RBFOX1: variants seen among roughly 807,000 people sequenced by gnomAD.
The protein encoded by RBFOX1 is RNA binding fox-1 homolog 1.
A neutral mutation model predicts 57.7 loss-of-function variants in RBFOX1; 8 were observed. The observed-to-expected ratio is 0.14, with a 90% CI of 0.08 to 0.25. RBFOX1 has a LOEUF of 0.25. Ranked by LOEUF, RBFOX1 falls within the 10% of genes least tolerant of loss-of-function variation. The pLI, the probability that RBFOX1 is intolerant of heterozygous loss-of-function variation, is 1.00. For synonymous variants in RBFOX1, 326 were observed against 222.4 expected (o/e 1.47, Z -4.15); for missense variants, 611 against 548.5 (o/e 1.11, Z -1.14).
At chr16:7,508,614 A>G (rs545159718) in intron 4 of RBFOX1, among the ~76,000 whole-genome samples, 1 of 152,302 alleles carries the variant, frequency 6.6e-6, no homozygotes, top group Admixed American at 6.5e-5. Context: ...TATGATTGGA[A>G]ATGGAAACGT....
chr16:6,772,332 G>C (rs2078430942), intron 3 of RBFOX1, among the ~76,000 whole-genome samples: 11 of 152,170 alleles, frequency 7.2e-5, no homozygotes, highest in Admixed American at 7.2e-4. Flanking sequence ...CTCAAACAGT[G>C]AGCTATCCAA....
intron 4 of RBFOX1, among the ~76,000 whole-genome samples, chr16:7,302,639 A>C (rs2096061504): frequency 6.6e-6 from 1 of 152,050 alleles, no homozygotes; most frequent in Non-Finnish European, 1.5e-5. Flanking sequence ...AAAACAAAAA[A>C]AAAAAAAAAG....
At chr16:5,296,344 C>G (rs1320461131) in intron 1 of RBFOX1, among the ~76,000 whole-genome samples, 1 of 152,196 alleles carries the variant, frequency 6.6e-6, no homozygotes, top group Non-Finnish European at 1.5e-5. Flanking sequence ...CAGCAGGAGA[C>G]AGCTTCCCAC....
chr16:5,298,057 G>A (rs1311447084), intron 1 of RBFOX1, among the ~76,000 whole-genome samples: 4 of 152,342 alleles, frequency 2.6e-5, no homozygotes, highest in Middle Eastern at 3.4e-3. Flanking sequence ...GTAGTAAACA[G>A]TGAGTCCTTT....
chr16:7,535,969 G>C (rs1354578983), intron 5 of RBFOX1, among the ~76,000 whole-genome samples: 1 of 152,202 alleles, frequency 6.6e-6, no homozygotes, highest in African/African-American at 2.4e-5. Flanking sequence ...AGATACAAGA[G>C]TGAATAAGAC....
chr16:7,467,148 C>T (rs1193669049), intron 4 of RBFOX1, among the ~76,000 whole-genome samples: 1 of 152,158 alleles, frequency 6.6e-6, no homozygotes, highest in Non-Finnish European at 1.5e-5. Context: ...GATAGAGTAT[C>T]TTCTAGAGAG....
At chr16:6,164,513 A>T (rs1410730346) in intron 1 of RBFOX1, among the ~76,000 whole-genome samples, 1 of 146,342 alleles carries the variant, frequency 6.8e-6, no homozygotes, top group Non-Finnish European at 1.5e-5. Flanking sequence ...ATTGCCCAGG[A>T]TGGAGTGCAG....
At chr16:6,248,397 G>C (rs2097581941) in intron 1 of RBFOX1, among the ~76,000 whole-genome samples, 1 of 152,150 alleles carries the variant, frequency 6.6e-6, no homozygotes, top group Non-Finnish European at 1.5e-5. Flanking sequence ...TCTTTGGACA[G>C]TGTTGTGGGC....
At chr16:6,407,537 A>AGG (rs1262038289) in intron 2 of RBFOX1, among the ~76,000 whole-genome samples, 46 of 69,044 alleles carry the variant, frequency 6.7e-4, no homozygotes, top group East Asian at 4.1e-3. Context: ...AGGGAAGGAG[A>AGG]GGGGTGTGTG....
intron 4 of RBFOX1, among the ~76,000 whole-genome samples, chr16:7,238,008 A>T (rs969527152): frequency 1.3e-5 from 2 of 152,226 alleles, no homozygotes; most frequent in Non-Finnish European, 2.9e-5. Flanking sequence ...TGTCTCAAAA[A>T]AAGAAAAGAG....
At chr16:7,447,884 C>T (rs887790764) in intron 4 of RBFOX1, among the ~76,000 whole-genome samples, 1 of 152,232 alleles carries the variant, frequency 6.6e-6, no homozygotes, top group African/African-American at 2.4e-5. Flanking sequence ...GCTGTATCAG[C>T]ATCAACCCCC....
At chr16:6,557,599 G>T (rs547572349) in intron 2 of RBFOX1, among the ~76,000 whole-genome samples, 1 of 152,334 alleles carries the variant, frequency 6.6e-6, no homozygotes, top group East Asian at 1.9e-4. Context: ...CCGAAGTCCT[G>T]TTGAAAGGGT....
intron 3 of RBFOX1, among the ~76,000 whole-genome samples, chr16:5,685,437 T>A (rs1032115150): frequency 6.6e-6 from 1 of 152,220 alleles, no homozygotes; most frequent in African/African-American, 2.4e-5. Context: ...ATCAGCCTAA[T>A]AGGAGCTTGA....
intron 4 of RBFOX1, among the ~76,000 whole-genome samples, chr16:7,303,820 A>C (rs1316665748): frequency 1.6e-3 from 153 of 98,160 alleles, no homozygotes; most frequent in Middle Eastern, 5.8e-3. Flanking sequence ...CTCCCTCTCT[A>C]CCTCCGTCCC....
At chr16:6,052,804 T>TATAATAATAATA (rs200513769) in intron 1 of RBFOX1, among the ~76,000 whole-genome samples, 15,064 of 144,074 alleles carry the variant, frequency 0.1, 1,008 homozygotes, top group African/African-American at 0.18. Context: ...TAAAATAAAA[T>TATAATAATAATA]ATAATAATAA....
rs377301970 is a variant in RBFOX1 at position 5,904,880 on chromosome 16, G to A, written c.351+37545G>A. Among the ~76,000 whole-genome samples, 1,262 of 150,418 alleles carry A rather than the reference G, an allele frequency of 8.4e-3. 22 individuals carry two copies. The highest frequency in any genetic ancestry group is 0.029 in the African/African-American group (1,181 of 40,956). On this transcript the variant is annotated intron_variant, in intron 4 of 19. Coordinates refer to the RBFOX1 transcript ENST00000641259. ...TAGTCCCAGCTACTCGGGAGGCTGAGGCAGGAGAATGGCGTGAACCCGGGA... is the reference window on the plus strand; with the variant it reads ...TAGTCCCAGCTACTCGGGAGGCTGAAGCAGGAGAATGGCGTGAACCCGGGA...
At chr16:6,088,226 C>G (rs1393498135) in intron 1 of RBFOX1, among the ~76,000 whole-genome samples, 2 of 151,710 alleles carry the variant, frequency 1.3e-5, no homozygotes, top group Admixed American at 6.6e-5. Flanking sequence ...TGTATTGCCT[C>G]AGTTGGATCA....
In RBFOX1 at chr16:6,097,052, G is replaced by A. The variant is rs1022432314; in HGVS notation, c.-127+77060G>A. Among the ~76,000 whole-genome samples the A allele has an allele frequency of 5.3e-5, 8 of 152,208 alleles. No individual in the cohort carries two copies. The highest frequency in any genetic ancestry group is 3.9e-4 in the East Asian group (2 of 5,166). On this transcript the variant is annotated intron_variant, in intron 1 of 15. Coordinates refer to ENST00000550418, the MANE Select transcript of RBFOX1 (RefSeq NM_018723.4). The surrounding 1 kb of genome is among the most constrained non-coding windows in gnomAD (Gnocchi z 5.0). ...TTCGTGGGAGATAACTGAATCATGG[G>A]GGTGGTTTCCCCCATACTGTTGTCA...
chr16:7,219,444 C>G (rs915554970), intron 4 of RBFOX1, among the ~76,000 whole-genome samples: 6 of 152,292 alleles, frequency 3.9e-5, no homozygotes, highest in African/African-American at 7.2e-5. Context: ...GGAAAGAGAA[C>G]CGTCGGCTGC....
Sources: gnomAD v4.1 joint callset for allele counts (sites outside exome capture counted in the v4.1 genomes callset) on GRCh38, gnomAD v4.1.1 for gene constraint, Gnocchi (gnomAD v3.1) non-coding constraint, MANE v1.5 for transcripts, NCBI Gene and HGNC (gene_info 2026-07-23, HGNC 2026-07-21) for gene names.